The following DPYD variants were observed in gnomAD, a reference collection of about 807,000 sequenced individuals.
DPYD encodes the protein dihydropyrimidine dehydrogenase [NADP(+)].
DPYD carries 109 observed loss-of-function variants against 116.2 expected under a neutral mutation model. The ratio of observed to expected loss-of-function variants is 0.94; its 90% CI spans 0.80 to 1.10. The LOEUF (loss-of-function observed/expected upper bound fraction) is 1.10, where lower values mean the gene tolerates loss of function less well. Ranked by LOEUF, DPYD falls within the 50% of genes least tolerant of loss-of-function variation. The pLI is 0.00. For synonymous variants in DPYD, 440 were observed against 432.0 expected (o/e 1.02, Z -0.23); for missense variants, 1,302 against 1,254.5 (o/e 1.04, Z -0.57).
intron 14 of DPYD, among the ~76,000 whole-genome samples, chr1:97,445,507 C>T (rs1037808152): frequency 1.3e-5 from 2 of 152,042 alleles, no homozygotes; most frequent in Non-Finnish European, 2.9e-5. Context: ...CTCCCATAAC[C>T]TAATATGTAA....
At chr1:97,526,042 A>G (rs1474725832) in intron 12 of DPYD, among the ~76,000 whole-genome samples, 1 of 151,456 alleles carries the variant, frequency 6.6e-6, no homozygotes, top group African/African-American at 2.4e-5. Flanking sequence ...ACATTAAATG[A>G]CACAAAGATT....
At chr1:97,437,524 A>C (rs1675534983) in intron 14 of DPYD, among the ~76,000 whole-genome samples, 1 of 151,896 alleles carries the variant, frequency 6.6e-6, no homozygotes, top group Admixed American at 6.6e-5. Context: ...ACATTCCCGT[A>C]CAAGTCTTTG....
intron 13 of DPYD, among the ~76,000 whole-genome samples, chr1:97,500,963 T>G (rs1679541533): frequency 6.6e-6 from 1 of 152,030 alleles, no homozygotes; most frequent in South Asian, 2.1e-4. Context: ...TCAGCTTAAT[T>G]AGACAATTTA....
chr1:97,529,935 T>A (rs1056183814), intron 12 of DPYD, among the ~76,000 whole-genome samples: 1 of 151,004 alleles, frequency 6.6e-6, no homozygotes, highest in South Asian at 2.1e-4. Context: ...TTTCTTTCCT[T>A]CTTTACTTTT....
chr1:97,652,643 T>C (rs1008946517), intron 8 of DPYD, among the ~76,000 whole-genome samples: 2 of 152,184 alleles, frequency 1.3e-5, no homozygotes, highest in Non-Finnish European at 2.9e-5. Flanking sequence ...AAAACCCACA[T>C]AATTTTAATT....
At chr1:97,658,692 C>T (rs1659082550) in intron 8 of DPYD, among the ~76,000 whole-genome samples, 1 of 152,158 alleles carries the variant, frequency 6.6e-6, no homozygotes, top group Non-Finnish European at 1.5e-5. Flanking sequence ...AGTCTCATCA[C>T]TTTTAAATTC....
intron 21 of DPYD, among the ~76,000 whole-genome samples, chr1:97,090,704 G>A (rs1012402568): frequency 5.3e-5 from 8 of 152,128 alleles, no homozygotes; most frequent in African/African-American, 1.9e-4. Flanking sequence ...GCTAGACTAT[G>A]AGCTCCATAA....
At chr1:97,904,898 G>C (rs759537065) in intron 1 of DPYD, among the ~76,000 whole-genome samples, 4 of 151,904 alleles carry the variant, frequency 2.6e-5, no homozygotes, top group Admixed American at 1.3e-4. Context: ...ATCCAAATCA[G>C]TTGCCATGGG....
rs940965623 is a variant in DPYD, at chr1:97,625,449, C to A, written c.851-30283G>T. On this transcript the variant is annotated intron_variant, in intron 8 of 22. Transcript: ENST00000370192. ...GACAGAATGACTATAGATGATATAT[C>A]AATGGGTAACTGTTGTGAACTGAGT... is the stretch of plus-strand genomic sequence containing the variant. Among the ~76,000 whole-genome samples, 4 of 151,892 alleles carry A rather than the reference C, an allele frequency of 2.6e-5. No individual in the cohort carries two copies. The East Asian group carries it at 5.8e-4, about 22-fold the overall frequency.
At chr1:97,125,249 A>G (rs1652747598) in intron 20 of DPYD, among the ~76,000 whole-genome samples, 1 of 152,118 alleles carries the variant, frequency 6.6e-6, no homozygotes, top group Admixed American at 6.6e-5. Context: ...TGGAGACTCA[A>G]CATGTATAAC....
chr1:97,367,920 C>T (rs191928735), intron 16 of DPYD, among the ~76,000 whole-genome samples: 2 of 152,214 alleles, frequency 1.3e-5, no homozygotes, highest in Admixed American at 1.3e-4. Flanking sequence ...TGAGTATGCA[C>T]TGGGTTTCTA....
chr1:97,687,046 G>A (rs533778113), intron 7 of DPYD, among the ~76,000 whole-genome samples: 6 of 152,106 alleles, frequency 3.9e-5, no homozygotes, highest in Admixed American at 2.6e-4. Context: ...TAAGGCAAGC[G>A]GGTCACTTGA....
chr1:97,239,819 T>C (rs1662205686), intron 18 of DPYD, among the ~76,000 whole-genome samples: 1 of 152,082 alleles, frequency 6.6e-6, no homozygotes, highest in African/African-American at 2.4e-5. Flanking sequence ...AATTTTGTCA[T>C]CTATAAAATA....
chr1:97,401,370 G>C (rs1243873147), intron 14 of DPYD, among the ~76,000 whole-genome samples: 1 of 152,110 alleles, frequency 6.6e-6, no homozygotes, highest in Non-Finnish European at 1.5e-5. Flanking sequence ...ATGGAGTGCA[G>C]TGGCACAATC....
chr1:97,546,316 C>CA, intron 12 of DPYD: 1 of 1,427,538 alleles, frequency 7.0e-7, no homozygotes, highest in Non-Finnish European at 9.9e-7. Flanking sequence ...ACAGTCAAAG[C>CA]AACAGAAACA....
At chr1:97,595,664 AT>A (rs962918277) in intron 8 of DPYD, among the ~76,000 whole-genome samples, 26 of 152,080 alleles carry the variant, frequency 1.7e-4, no homozygotes, top group African/African-American at 5.5e-4. Context: ...AATTTAAAAA[AT>A]ATAAATGAAT....
chr1:97,095,633 T>C (rs1031185602), intron 21 of DPYD, among the ~76,000 whole-genome samples: 4 of 151,818 alleles, frequency 2.6e-5, no homozygotes, highest in South Asian at 4.1e-4. Flanking sequence ...TGTATGTATA[T>C]GTATATATAT....
intron 4 of DPYD, among the ~76,000 whole-genome samples, chr1:97,723,328 A>T (rs1311172403): frequency 2.0e-5 from 3 of 151,626 alleles, no homozygotes; most frequent in African/African-American, 7.2e-5. Flanking sequence ...TTAGCAAAGG[A>T]TCATAAAGCA....
intron 20 of DPYD, among the ~76,000 whole-genome samples, chr1:97,159,324 T>C (rs1469563229): frequency 6.6e-6 from 1 of 151,954 alleles, no homozygotes; most frequent in Non-Finnish European, 1.5e-5. Flanking sequence ...ATAATGGAGA[T>C]GGTATGAGAG....
Sources: allele counts gnomAD v4.1 joint callset (sites outside exome capture counted in the v4.1 genomes callset), GRCh38; gene constraint gnomAD v4.1.1; transcripts MANE v1.5; gene names NCBI Gene and HGNC (gene_info 2026-07-23, HGNC 2026-07-21).